ZNF654: variants seen among roughly 807,000 people sequenced by gnomAD.
ZNF654 encodes melanoma-associated antigen.
ZNF654 carries 19 observed loss-of-function variants against 95.3 expected under a neutral mutation model. The observed-to-expected ratio is 0.20, with a 90% CI of 0.14 to 0.29. The LOEUF is 0.29. Ranked by LOEUF, ZNF654 falls within the 10% of genes least tolerant of loss-of-function variation. The pLI, the probability that ZNF654 is intolerant of heterozygous loss-of-function variation, is 1.00. For missense variants in ZNF654, 1,046 were observed against 1,341.0 expected, an observed-to-expected ratio of 0.78 and a Z score of 3.44; for synonymous variants, 413 against 457.9, an observed-to-expected ratio of 0.90 and a Z score of 1.25.
intron 1 of ZNF654, among the ~76,000 whole-genome samples, chr3:88,072,522 CTTTTG>C (rs1707573071): frequency 6.6e-6 from 1 of 152,094 alleles, no homozygotes; most frequent in Non-Finnish European, 1.5e-5. Flanking sequence ...TGCTTCTTGG[CTTTTG>C]TTTTGTCTGC....
rs1305104419 is a variant in ZNF654, at chr3:88,138,861, A to G, written c.1192A>G (p.Ile398Val). Residue 398 changes from isoleucine (I) to valine (V), a missense_variant, in exon 8 of 9, where the codon ATA (isoleucine) becomes GTA (valine). Coordinates refer to ENST00000636215, the MANE Select transcript of ZNF654 (RefSeq NM_001350134.2). ...GATCCTCAGGATTTGTGCACTCTCA[A>G]TATTTTTTCTGGAGCGCTCCTTAGA... ...LEILRICALS[I>V]FFLERSLEAY... 1.4e-5 allele frequency: 17 copies of G among 1,231,938 alleles called. No homozygotes were observed. The highest frequency in any genetic ancestry group is 1.6e-5 in the Non-Finnish European group (16 of 987,952). 76.3% of individuals were successfully genotyped at this position (1,231,938 alleles called of 1,614,324 possible).
At chr3:88,088,882 C>T (rs556577260) in intron 2 of ZNF654, among the ~76,000 whole-genome samples, 50 of 151,916 alleles carry the variant, frequency 3.3e-4, no homozygotes, top group African/African-American at 1.1e-3. Context: ...AAGCAATTCT[C>T]CTGCCTCAGC....
At chr3:88,086,220 T>A (rs771664295) in intron 1 of ZNF654, 37 bp from the exon 2 acceptor site, 79 of 1,493,380 alleles carry the variant, frequency 5.3e-5, no homozygotes, top group Non-Finnish European at 6.8e-5. Flanking sequence ...TGTTGAGAAC[T>A]TTTTCTATAG....
intron 3 of ZNF654, among the ~76,000 whole-genome samples, chr3:88,117,008 A>T (rs1162498343): frequency 6.6e-6 from 1 of 152,160 alleles, no homozygotes; most frequent in Non-Finnish European, 1.5e-5. Context: ...TTCTTAAAGG[A>T]TCTGTTACGT....
intron 6 of ZNF654, among the ~76,000 whole-genome samples, chr3:88,131,296 G>T (rs193272588): frequency 6.6e-6 from 1 of 152,280 alleles, no homozygotes; most frequent in East Asian, 1.9e-4. Context: ...TCTGTTCACT[G>T]AAATGTTGTT....
chr3:88,067,084 A>C (rs1224605184), intron 1 of ZNF654, among the ~76,000 whole-genome samples: 1 of 152,226 alleles, frequency 6.6e-6, no homozygotes, highest in Non-Finnish European at 1.5e-5. Context: ...GACTCCATCT[A>C]AACAGTAAAA....
chr3:88,062,036 T>C (rs1018404949), intron 1 of ZNF654, among the ~76,000 whole-genome samples: 2 of 152,168 alleles, frequency 1.3e-5, no homozygotes, highest in Non-Finnish European at 2.9e-5. Context: ...GGGGTTTTTG[T>C]GTCTTTTACC....
intron 8 of ZNF654, 57 bp downstream of exon 8, chr3:88,141,105 A>G: frequency 1.3e-6 from 2 of 1,519,048 alleles, no homozygotes; most frequent in South Asian, 2.7e-5. Context: ...TGGCATAAAT[A>G]AAACTATTAT....
At chr3:88,137,194 C>CAAAAAAAA (rs11401199) in intron 7 of ZNF654, among the ~76,000 whole-genome samples, 2 of 70,720 alleles carry the variant, frequency 2.8e-5, no homozygotes, top group Non-Finnish European at 4.7e-5. Flanking sequence ...GACTCTGTCT[C>CAAAAAAAA]AAAAAAAAAA....
At chr3:88,123,613 CTAAG>C (rs1705913120) in intron 3 of ZNF654, among the ~76,000 whole-genome samples, 1 of 152,106 alleles carries the variant, frequency 6.6e-6, no homozygotes, top group Non-Finnish European at 1.5e-5. Context: ...AAAAAGAGCT[CTAAG>C]TGTTTCTTAT....
intron 7 of ZNF654, among the ~76,000 whole-genome samples, chr3:88,137,704 A>C (rs1397491201): frequency 2.0e-5 from 3 of 152,210 alleles, no homozygotes; most frequent in Non-Finnish European, 2.9e-5. Flanking sequence ...TCAAAGAATG[A>C]ATAGGAGGAT....
At chr3:88,079,319 G>C (rs1375833339) in intron 1 of ZNF654, among the ~76,000 whole-genome samples, 1 of 152,028 alleles carries the variant, frequency 6.6e-6, no homozygotes, top group Non-Finnish European at 1.5e-5. Flanking sequence ...TGAAAATTTT[G>C]TAGACTATGG....
intron 2 of ZNF654, among the ~76,000 whole-genome samples, chr3:88,105,203 T>G (rs1704662085): frequency 6.6e-6 from 1 of 152,178 alleles, no homozygotes; most frequent in South Asian, 2.1e-4. Flanking sequence ...GGAATTCGGT[T>G]GATAGAAAAG....
chr3:88,059,736 T>C (rs1706740464), intron 1 of ZNF654, among the ~76,000 whole-genome samples: 1 of 151,868 alleles, frequency 6.6e-6, no homozygotes, highest in Admixed American at 6.6e-5. Context: ...TTGTCGGGGA[T>C]GGAGGGGCTG....
chr3:88,075,006 T>A (rs1707721541), intron 1 of ZNF654, among the ~76,000 whole-genome samples: 1 of 152,186 alleles, frequency 6.6e-6, no homozygotes, highest in African/African-American at 2.4e-5. Context: ...ACCCTGACCA[T>A]TTCCTCCTTC....
At chr3:88,081,292 T>G (rs1190647960) in intron 1 of ZNF654, among the ~76,000 whole-genome samples, 1 of 152,202 alleles carries the variant, frequency 6.6e-6, no homozygotes, top group Non-Finnish European at 1.5e-5. Context: ...TTTAAGTTTA[T>G]GTGGGGGTTT....
At chr3:88,133,957 C>A (rs1221498310) in intron 6 of ZNF654, among the ~76,000 whole-genome samples, 3 of 151,816 alleles carry the variant, frequency 2.0e-5, no homozygotes, top group Non-Finnish European at 4.4e-5. Flanking sequence ...ATCAGTTTTG[C>A]AGGAATATGA....
chr3:88,095,591 T>G, intron 2 of ZNF654: 2 of 521,840 alleles, frequency 3.8e-6, no homozygotes, highest in East Asian at 1.1e-4. Flanking sequence ...CACAGGAATC[T>G]GTTGCCCCAA....
At chr3:88,085,148 A>G (rs1708274762) in intron 1 of ZNF654, among the ~76,000 whole-genome samples, 1 of 152,206 alleles carries the variant, frequency 6.6e-6, no homozygotes, top group Non-Finnish European at 1.5e-5. Context: ...TAGTGTGAAA[A>G]GTCTTTTGGG....
Sources: allele counts gnomAD v4.1 joint callset (sites outside exome capture counted in the v4.1 genomes callset), GRCh38; gene constraint gnomAD v4.1.1; transcripts MANE v1.5; gene names NCBI Gene and HGNC (gene_info 2026-07-23, HGNC 2026-07-21).